ZMYND11: variants seen among roughly 807,000 people sequenced by gnomAD.
ZMYND11 encodes zinc finger MYND-type containing 11, also known as zinc finger MYND domain-containing protein 11.
In ZMYND11, 9 loss-of-function variants were observed where a neutral mutation model predicts 84.9. That is an observed-to-expected ratio of 0.11 (90% confidence interval 0.06 to 0.18). The LOEUF is 0.18. ZMYND11 is among the 10% of genes least tolerant of loss of function. The pLI is 1.00. For synonymous variants in ZMYND11, 250 were observed against 244.1 expected (o/e 1.02, Z -0.23); for missense variants, 409 against 761.0 (o/e 0.54, Z 5.44).
chr10:189,514 A>G (rs1939739416), intron 2 of ZMYND11, among the ~76,000 whole-genome samples: 1 of 152,140 alleles, frequency 6.6e-6, no homozygotes, highest in South Asian at 2.1e-4. Context: ...ATTTCCATCT[A>G]TATTGATTGT....
chr10:142,330 C>T (rs1837681386), intron 1 of ZMYND11, among the ~76,000 whole-genome samples: 1 of 152,130 alleles, frequency 6.6e-6, no homozygotes, highest in Non-Finnish European at 1.5e-5. Context: ...TGAGCTCAAG[C>T]GAACCACCTG....
chr10:243,917 G>A (rs1210217198), intron 10 of ZMYND11, among the ~76,000 whole-genome samples: 1 of 152,184 alleles, frequency 6.6e-6, no homozygotes, highest in African/African-American at 2.4e-5. Context: ...AGAGTAGTCT[G>A]TCACCTGAAG....
At chr10:234,254 C>T (rs1436489280) in intron 4 of ZMYND11, among the ~76,000 whole-genome samples, 7 of 152,218 alleles carry the variant, frequency 4.6e-5, no homozygotes, top group Non-Finnish European at 8.8e-5. Context: ...CATAATGCAG[C>T]GCACGGCGCC....
Position 193,828 on chromosome 10 carries a change from T to C in ZMYND11, c.116+13700T>C, listed in dbSNP as rs1291838349. 5.3e-5 allele frequency among the ~76,000 whole-genome samples: 8 copies of C among 152,250 alleles called. No homozygotes were observed. The East Asian group carries it at 1.5e-3, about 29-fold the overall frequency. On this transcript the variant is annotated intron_variant, in intron 2 of 14. Coordinates refer to ENST00000381604, the MANE Select transcript of ZMYND11 (RefSeq NM_001370100.5). ...AGAATTTTATTTGAATGGAAACATA[T>C]TATTTTCCATGATAATCTTTTCTTG... is the stretch of plus-strand genomic sequence containing the variant.
At position 236,710 on chromosome 10, in the gene ZMYND11, T is replaced by A. The variant is rs185511993; in HGVS notation, c.439-128T>A. On this transcript the variant is annotated intron_variant, in intron 4 of 14. Coordinates refer to ENST00000381604, the MANE Select transcript of ZMYND11 (RefSeq NM_001370100.5). ...ATGTCAAAGATTTCTGTCAGATATG[T>A]TGGAAAAAGAGCACTTTTAGTAAAC... 7.3e-5 allele frequency: 53 copies of A among 724,298 alleles called. 1 individual carries two copies. The East Asian group carries it at 1.6e-3, about 21-fold the overall frequency. 44.9% of individuals were successfully genotyped at this position (724,298 alleles called of 1,614,324 possible).
intron 1 of ZMYND11, among the ~76,000 whole-genome samples, chr10:163,430 T>C (rs1554762659): frequency 6.6e-6 from 1 of 152,172 alleles, no homozygotes; most frequent in Non-Finnish European, 1.5e-5. Context: ...GTATTTTTCT[T>C]GTCTCCTATT....
intron 1 of ZMYND11, among the ~76,000 whole-genome samples, chr10:173,143 T>G (rs562862998): frequency 6.6e-6 from 1 of 152,312 alleles, no homozygotes; most frequent in South Asian, 2.1e-4. Flanking sequence ...TGTAAAACTC[T>G]TAGGCAATAG....
intron 1 of ZMYND11, among the ~76,000 whole-genome samples, chr10:173,035 GAAAA>G (rs1218973523): frequency 1.3e-4 from 16 of 125,786 alleles, no homozygotes; most frequent in Admixed American, 6.4e-4. Flanking sequence ...TCCACTTTCA[GAAAA>G]AAAAAAAAAG....
At chr10:229,229 A>G (rs1368940909) in intron 4 of ZMYND11, among the ~76,000 whole-genome samples, 2 of 152,180 alleles carry the variant, frequency 1.3e-5, no homozygotes, top group Non-Finnish European at 2.9e-5. Context: ...GTGGATGAAC[A>G]ATTCTTGTGC....
At chr10:246,586 G>A (rs1236751528) in intron 10 of ZMYND11, among the ~76,000 whole-genome samples, 180 bp from the exon 11 acceptor site, 1 of 152,150 alleles carries the variant, frequency 6.6e-6, no homozygotes, top group Non-Finnish European at 1.5e-5. Context: ...AAGCCTAAGT[G>A]ATTGTGGTTT....
chr10:224,963 T>C (rs1242829209), intron 4 of ZMYND11, among the ~76,000 whole-genome samples: 1 of 152,208 alleles, frequency 6.6e-6, no homozygotes, highest in Non-Finnish European at 1.5e-5. Context: ...TTTTGTTTTA[T>C]TTGAATTTTA....
intron 1 of ZMYND11, among the ~76,000 whole-genome samples, chr10:141,193 TC>T (rs1837414592): frequency 6.6e-6 from 1 of 152,332 alleles, no homozygotes; most frequent in South Asian, 2.1e-4. Context: ...TTTCATAAGA[TC>T]ACACTAAAAT....
At chr10:185,943 C>A (rs1482563129) in intron 2 of ZMYND11, among the ~76,000 whole-genome samples, 1 of 151,934 alleles carries the variant, frequency 6.6e-6, no homozygotes, top group Non-Finnish European at 1.5e-5. Flanking sequence ...GGAGTGTTCT[C>A]CATGTTGTGT....
At chr10:198,492 A>G (rs1942333083) in intron 2 of ZMYND11, among the ~76,000 whole-genome samples, 1 of 152,224 alleles carries the variant, frequency 6.6e-6, no homozygotes. Flanking sequence ...ATATTCAGCA[A>G]ATACTGTAAA....
intron 1 of ZMYND11, among the ~76,000 whole-genome samples, chr10:176,036 A>G (rs1455396643): frequency 2.0e-5 from 3 of 152,186 alleles, no homozygotes; most frequent in Admixed American, 1.3e-4. Context: ...TTTCACAAAT[A>G]TGTATATATC....
chr10:220,354 A>G (rs1946938999), intron 3 of ZMYND11, among the ~76,000 whole-genome samples: 2 of 152,182 alleles, frequency 1.3e-5, no homozygotes, highest in South Asian at 4.1e-4. Flanking sequence ...ATTTTAAGAA[A>G]AGCTAAGAGT....
chr10:244,339 T>C (rs1951682219), intron 10 of ZMYND11: 2 of 152,106 alleles, frequency 1.3e-5, no homozygotes, highest in South Asian at 2.1e-4. Context: ...GGAAAAAAAA[T>C]GAATGGTTTT....
chr10:216,121 A>C (rs1262878071), intron 3 of ZMYND11, among the ~76,000 whole-genome samples: 1 of 152,184 alleles, frequency 6.6e-6, no homozygotes. Flanking sequence ...AATTTAGCTT[A>C]GCTCACATCT....
chr10:134,633 G>A (rs553706008), upstream of ZMYND11: 2 of 152,338 alleles, frequency 1.3e-5, no homozygotes, highest in East Asian at 3.9e-4. Flanking sequence ...ATGTTGTTAA[G>A]AGAAGCACTC....
Sources: gnomAD v4.1 joint callset for allele counts (sites outside exome capture counted in the v4.1 genomes callset) on GRCh38, gnomAD v4.1.1 for gene constraint, MANE v1.5 for transcripts, NCBI Gene and HGNC (gene_info 2026-07-23, HGNC 2026-07-21) for gene names.